HERC2: variants seen among roughly 807,000 people sequenced by gnomAD.
HERC2 encodes the protein HECT and RLD domain containing E3 ubiquitin protein ligase 2.
HERC2 carries 102 observed loss-of-function variants against 537.7 expected under a neutral mutation model. That is an observed-to-expected ratio of 0.19 (90% CI 0.16 to 0.22). HERC2 has a LOEUF of 0.22. Ranked by LOEUF, HERC2 falls within the 10% of genes least tolerant of loss-of-function variation. HERC2 has a pLI of 1.00. For synonymous variants in HERC2, 2,224 were observed against 2,466.2 expected, an observed-to-expected ratio of 0.90 and a Z score of 2.91; for missense variants, 4,236 against 6,198.2, an observed-to-expected ratio of 0.68 and a Z score of 10.63.
At chr15:28,143,066 C>CA in intron 74 of HERC2, 114 bp from the exon 75 acceptor site, 2 of 827,556 alleles carry the variant, frequency 2.4e-6, no homozygotes, top group South Asian at 3.3e-5. Flanking sequence ...TCTAAAAAAA[C>CA]TAAAAAAAAA....
chr15:28,284,706 G>A (rs2076107347), intron 4 of HERC2, among the ~76,000 whole-genome samples: 1 of 151,990 alleles, frequency 6.6e-6, no homozygotes, highest in African/African-American at 2.4e-5. Context: ...GTGGATCTCA[G>A]GAGTCTGAGA....
chr15:28,149,329 C>G (rs1320842142), intron 70 of HERC2, among the ~76,000 whole-genome samples: 6 of 150,022 alleles, frequency 4.0e-5, no homozygotes, highest in Non-Finnish European at 3.0e-5. Context: ...ATGGCCACAC[C>G]AACATACATT....
chr15:28,133,928 G>A (rs901631068), intron 79 of HERC2, among the ~76,000 whole-genome samples: 6 of 152,272 alleles, frequency 3.9e-5, no homozygotes, highest in Admixed American at 6.5e-5. Context: ...CAAATCTTCC[G>A]ACCTTTTCCT....
At position 28,256,321 on chromosome 15, in the gene HERC2, A is replaced by G; in HGVS notation, c.2518-4T>C. ...GGTGACTAATGGCAGCATGCAACTG[A>G]AAGGAGAAAAACAATTTTCACTTAG... On this transcript the variant is annotated splice_region_variant and splice_polypyrimidine_tract_variant and intron_variant, in intron 17 of 92. Transcript: ENST00000261609. The G allele has an allele frequency of 1.9e-6, 3 of 1,576,974 alleles. No individual in the cohort carries two copies. Among genetic ancestry groups the G allele is most frequent in the Non-Finnish European group, 2.6e-6 (3 of 1,168,032 alleles).
rs144110009 is a variant in HERC2 at position 28,173,661 on chromosome 15, G to C, written c.10057+734C>G. Among the ~76,000 whole-genome samples the C allele has an allele frequency of 4.8e-3, 727 of 152,094 alleles. 7 individuals carry two copies. The highest frequency in any genetic ancestry group is 0.017 in the African/African-American group (685 of 41,478). Reference sequence around the variant, plus strand: ...CAAACAAACAAACAAAAATTAGCCAGGCATGGTGACATGTGCCTGTAGTCC... The same window carrying C: ...CAAACAAACAAACAAAAATTAGCCACGCATGGTGACATGTGCCTGTAGTCC... On this transcript the variant is annotated intron_variant, in intron 65 of 92. Transcript: ENST00000261609.
In HERC2 at chr15:28,229,446, T is replaced by C. The variant is rs1901597173; in HGVS notation, c.5120+14A>G. 1 of 1,613,662 alleles carries C rather than the reference T, an allele frequency of 6.2e-7. No homozygotes were observed. Among genetic ancestry groups the C allele is most frequent in the Non-Finnish European group, 8.5e-7 (1 of 1,179,596 alleles). On this transcript the variant is annotated intron_variant, in intron 33 of 92. Coordinates refer to ENST00000261609, the MANE Select transcript of HERC2 (RefSeq NM_004667.6). ...AGCTACCTTAATTAAGAAAAAAATA[T>C]GCTAACGTTTTACCCTATATCGATT...
Position 28,265,411 on chromosome 15 carries a change from G to A in HERC2, c.1870+207C>T, listed in dbSNP as rs371209362. Among the ~76,000 whole-genome samples the A allele has an allele frequency of 7.3e-4, 111 of 152,220 alleles. No individual in the cohort carries two copies. The highest frequency in any genetic ancestry group is 2.2e-3 in the African/African-American group (93 of 41,536). On this transcript the variant is annotated intron_variant, in intron 14 of 92. Coordinates refer to ENST00000261609, the MANE Select transcript of HERC2 (RefSeq NM_004667.6). This position sits in a 1 kb window ranked among gnomAD's most constrained non-coding sequence, Gnocchi z 4.0. ...AAAAATAAAATGCCCACACAGGAACGGCGGCAGCTGCTAACCAGCTGAGAG... is the reference window on the plus strand; with the variant it reads ...AAAAATAAAATGCCCACACAGGAACAGCGGCAGCTGCTAACCAGCTGAGAG...
intron 4 of HERC2, among the ~76,000 whole-genome samples, chr15:28,285,286 T>C (rs1431749974): frequency 6.6e-6 from 1 of 152,158 alleles, no homozygotes; most frequent in African/African-American, 2.4e-5. Context: ...AGTTAGAACA[T>C]ATTCTGAGGC....
chr15:28,184,077 G>A (rs1028885426), intron 56 of HERC2, among the ~76,000 whole-genome samples: 8 of 152,030 alleles, frequency 5.3e-5, no homozygotes, highest in Admixed American at 2.6e-4. Context: ...TGTAATCCCA[G>A]CTACTTGGGA....
At chr15:28,286,042 GAA>G (rs1355318999) in intron 4 of HERC2, among the ~76,000 whole-genome samples, 2 of 151,110 alleles carry the variant, frequency 1.3e-5, no homozygotes, top group African/African-American at 4.9e-5. Flanking sequence ...CAAAGAATCC[GAA>G]AAAAAAGAAA....
rs115853542 is a variant in HERC2 at position 28,180,242 on chromosome 15, T to C, written c.8938-1019A>G. On this transcript the variant is annotated intron_variant, in intron 57 of 92. Transcript: ENST00000261609. ...CAACTGCCTACCATATTCAGTACAG[T>C]TCCATGTTGTAGCCTAGAAGCAACA... 4.2e-3 allele frequency among the ~76,000 whole-genome samples: 647 copies of C among 152,332 alleles called. 7 individuals carry two copies. Among genetic ancestry groups the C allele is most frequent in the African/African-American group, 0.015 (608 of 41,582 alleles).
intron 4 of HERC2, among the ~76,000 whole-genome samples, chr15:28,281,794 C>G (rs2076026221): frequency 6.6e-6 from 1 of 152,188 alleles, no homozygotes; most frequent in Non-Finnish European, 1.5e-5. Context: ...CAGGGCATCC[C>G]CACCGAGCCA....
chr15:28,186,295 A>G (rs1896302443), intron 56 of HERC2, among the ~76,000 whole-genome samples: 1 of 152,220 alleles, frequency 6.6e-6, no homozygotes, highest in East Asian at 1.9e-4. Context: ...GGAAAACTAC[A>G]AAGATATATA....
rs190882562 is a variant in HERC2, at chr15:28,281,619, G to C, written c.323-1332C>G. ...CTCACCACTCCCTGGAAAGGCACAG[G>C]GTGGCGCACACTGTGCCCAGCACCA... On this transcript the variant is annotated intron_variant, in intron 4 of 92. Coordinates refer to ENST00000261609, the MANE Select transcript of HERC2 (RefSeq NM_004667.6). Among the ~76,000 whole-genome samples the C allele has an allele frequency of 2.6e-4, 39 of 152,336 alleles. 1 individual carries two copies. In the East Asian group the frequency reaches 7.5e-3, roughly 29 times the overall value.
intron 2 of HERC2, among the ~76,000 whole-genome samples, chr15:28,306,648 C>T (rs542390534): frequency 6.2e-4 from 94 of 152,296 alleles, no homozygotes; most frequent in African/African-American, 2.2e-3. Context: ...GGATTGGTAA[C>T]AGTTCTTCTT....
rs141969705 is a variant in HERC2, at chr15:28,213,806, T to C, written c.6722A>G (p.Lys2241Arg). ...GTVTRITPKG[K>R]ITVQFSDMRT... ...CATGTCAGAGAACTGCACGGTGATT[T>C]TGCCCTTTGGGGTGATGCGAGTCAC... Residue 2241 changes from lysine to arginine, a missense_variant, in exon 42 of 93, where the codon AAA becomes AGA. This residue lies in a region of HERC2 where 67 missense variants were observed against 140.1 expected (regional missense o/e 0.48). Coordinates refer to ENST00000261609, the MANE Select transcript of HERC2 (RefSeq NM_004667.6). The C allele has an allele frequency of 1.8e-4, 284 of 1,614,024 alleles. 1 individual carries two copies. In the African/African-American group the frequency reaches 3.4e-3, roughly 20 times the overall value.
At position 28,214,264 on chromosome 15, in the gene HERC2, G is replaced by A. The variant is rs1383289855; in HGVS notation, c.6367C>T (p.Leu2123=). The change falls in exon 41 of 93, where the codon CTG becomes TTG. Residue 2123 remains leucine, a synonymous_variant. Coordinates refer to ENST00000261609, the MANE Select transcript of HERC2 (RefSeq NM_004667.6). ...TGCGGGCGCACCCTGCGCCGCCTCAGCGTGGACTCTGAGGAGGAAACCAGG... is the reference window on the plus strand; with the variant it reads ...TGCGGGCGCACCCTGCGCCGCCTCAACGTGGACTCTGAGGAGGAAACCAGG... ...SDVPLLREST[L]RRRRVRPQAS... The A allele has an allele frequency of 6.2e-7, 1 of 1,611,464 alleles. No individual in the cohort carries two copies. Among genetic ancestry groups the A allele is most frequent in the East Asian group, 2.2e-5 (1 of 44,872 alleles).
intron 42 of HERC2, chr15:28,212,954 G>A (rs1899425324): frequency 5.0e-6 from 1 of 198,694 alleles, no homozygotes; most frequent in Non-Finnish European, 9.0e-6. Flanking sequence ...GCTCACGCCT[G>A]TAATCCCAGC....
intron 86 of HERC2, chr15:28,118,010 G>T: frequency 4.9e-6 from 1 of 203,106 alleles, no homozygotes; most frequent in Non-Finnish European, 1.0e-5. Context: ...TTCACCTTTA[G>T]CTCACTTAAA....
Sources: gnomAD v4.1 joint callset for allele counts (sites outside exome capture counted in the v4.1 genomes callset) on GRCh38, gnomAD v4.1.1 for gene constraint, gnomAD v4.1.1 regional missense constraint, Gnocchi (gnomAD v3.1) non-coding constraint, MANE v1.5 for transcripts, NCBI Gene and HGNC (gene_info 2026-07-23, HGNC 2026-07-21) for gene names.